Variants in SMOC1 observed in about 807,000 individuals in gnomAD.
SMOC1 encodes SPARC-related modular calcium-binding protein 1.
In SMOC1, 22 loss-of-function variants were observed where a neutral mutation model predicts 56.3. That is an observed-to-expected ratio of 0.39 (90% CI 0.28 to 0.56). SMOC1 has a LOEUF of 0.56. Ranked by LOEUF, SMOC1 falls within the 20% of genes least tolerant of loss-of-function variation. The pLI, the probability that SMOC1 is intolerant of heterozygous loss-of-function variation, is 0.61. For missense variants in SMOC1, 509 were observed against 565.4 expected, an observed-to-expected ratio of 0.90 and a Z score of 1.01; for synonymous variants, 193 against 215.0, an observed-to-expected ratio of 0.90 and a Z score of 0.89.
chr14:69,928,646 A>ACTTTATT (rs1390777118), intron 1 of SMOC1, among the ~76,000 whole-genome samples: 1 of 151,586 alleles, frequency 6.6e-6, no homozygotes, highest in Admixed American at 6.6e-5. Context: ...GCTTCCCAGG[A>ACTTTATT]CTTTATTTCA....
intron 5 of SMOC1, among the ~76,000 whole-genome samples, chr14:69,984,696 A>G (rs1209746255): frequency 6.6e-6 from 1 of 151,488 alleles, no homozygotes; most frequent in African/African-American, 2.4e-5. Context: ...AAAAAAAAAA[A>G]ATACAAAAAT....
intron 7 of SMOC1, among the ~76,000 whole-genome samples, chr14:70,001,086 G>C (rs761644637): frequency 2.6e-5 from 4 of 152,146 alleles, no homozygotes; most frequent in Non-Finnish European, 5.9e-5. Context: ...GCCCCTTCCT[G>C]GTGCTCTGTT....
intron 1 of SMOC1, among the ~76,000 whole-genome samples, chr14:69,888,478 G>A (rs1022638149): frequency 7.2e-5 from 11 of 152,150 alleles, no homozygotes; most frequent in South Asian, 4.1e-4. Flanking sequence ...AGACAGGAAA[G>A]GTAGCTCTCA....
At chr14:69,962,151 A>G (rs1350895579) in intron 3 of SMOC1, among the ~76,000 whole-genome samples, 1 of 151,486 alleles carries the variant, frequency 6.6e-6, no homozygotes, top group Non-Finnish European at 1.5e-5. Flanking sequence ...TTCTAGATAC[A>G]AGACTCTCTC....
intron 4 of SMOC1, among the ~76,000 whole-genome samples, chr14:69,976,654 ACT>A (rs1883968919): frequency 6.6e-6 from 1 of 152,068 alleles, no homozygotes; most frequent in African/African-American, 2.4e-5. Flanking sequence ...ATGGTAAAAG[ACT>A]CTGAGTCGCT....
intron 5 of SMOC1, among the ~76,000 whole-genome samples, chr14:69,991,407 C>T (rs1203044496): frequency 6.6e-6 from 1 of 152,116 alleles, no homozygotes; most frequent in East Asian, 1.9e-4. Context: ...TATACTGTTT[C>T]TTTGCATTAT....
chr14:70,027,776 G>A (rs556900840), intron 11 of SMOC1, among the ~76,000 whole-genome samples: 28 of 152,326 alleles, frequency 1.8e-4, no homozygotes, highest in African/African-American at 6.5e-4. Context: ...GATAATGTGT[G>A]TGAAGAACTT....
intron 1 of SMOC1, among the ~76,000 whole-genome samples, chr14:69,916,306 TTGCCACCTC>T (rs1325171546): frequency 6.6e-6 from 1 of 152,266 alleles, no homozygotes; most frequent in Admixed American, 6.5e-5. Flanking sequence ...TACCCGCTTC[TTGCCACCTC>T]TGCTGCTATA....
At chr14:69,949,786 G>A (rs1168025771) in intron 1 of SMOC1, among the ~76,000 whole-genome samples, 1 of 152,186 alleles carries the variant, frequency 6.6e-6, no homozygotes, top group Admixed American at 6.5e-5. Flanking sequence ...AAGGGCCAGA[G>A]AGGGGCCCCC....
chr14:69,987,333 A>G (rs1884401252), intron 5 of SMOC1, among the ~76,000 whole-genome samples: 1 of 152,226 alleles, frequency 6.6e-6, no homozygotes, highest in Non-Finnish European at 1.5e-5. Context: ...CAGACCTTCC[A>G]CATCTCAGAA....
chr14:70,027,981 G>A (rs959693998), intron 11 of SMOC1, among the ~76,000 whole-genome samples: 2 of 152,322 alleles, frequency 1.3e-5, no homozygotes, highest in East Asian at 1.9e-4. Context: ...CATCCATCCC[G>A]TGTCGTGCGG....
chr14:69,907,112 G>A (rs1179927400), intron 1 of SMOC1, among the ~76,000 whole-genome samples: 3 of 151,778 alleles, frequency 2.0e-5, no homozygotes, highest in African/African-American at 7.3e-5. Context: ...GGTTTAATGG[G>A]TGGTGGAGGA....
chr14:69,922,363 AT>A (rs1884869791), intron 1 of SMOC1, among the ~76,000 whole-genome samples: 1 of 152,200 alleles, frequency 6.6e-6, no homozygotes, highest in South Asian at 2.1e-4. Flanking sequence ...GGTCTTGTGC[AT>A]TATTAAATGC....
intron 1 of SMOC1, among the ~76,000 whole-genome samples, chr14:69,893,936 G>A (rs554047038): frequency 6.8e-4 from 103 of 152,302 alleles, no homozygotes; most frequent in African/African-American, 2.4e-3. Flanking sequence ...AGAAAAACTA[G>A]GGACATGATT....
At chr14:69,953,990 A>G (rs1475766165) in intron 3 of SMOC1, among the ~76,000 whole-genome samples, 1 of 138,658 alleles carries the variant, frequency 7.2e-6, no homozygotes, top group African/African-American at 2.9e-5. Flanking sequence ...CACAAAGTGT[A>G]CTATGGTTCT....
intron 1 of SMOC1, among the ~76,000 whole-genome samples, chr14:69,919,859 A>C (rs535972646): frequency 1.8e-4 from 27 of 152,170 alleles, no homozygotes; most frequent in Admixed American, 1.8e-3. Flanking sequence ...AAGATTATCC[A>C]ATATGAAATT....
intron 3 of SMOC1, 80 bp from the exon 4 acceptor site, chr14:69,975,635 G>A: frequency 9.9e-7 from 1 of 1,007,234 alleles, no homozygotes; most frequent in Non-Finnish European, 1.6e-6. Context: ...TATGGGTGAT[G>A]CTTTGAAAGG....
intron 11 of SMOC1, among the ~76,000 whole-genome samples, chr14:70,024,165 C>T (rs1041883667): frequency 6.6e-6 from 1 of 152,118 alleles, no homozygotes; most frequent in Non-Finnish European, 1.5e-5. Context: ...GGAACTCAGT[C>T]ACTAGGGGAA....
chr14:69,901,377 G>A (rs1014352570), intron 1 of SMOC1, among the ~76,000 whole-genome samples: 7 of 152,152 alleles, frequency 4.6e-5, no homozygotes, highest in African/African-American at 1.7e-4. Flanking sequence ...CCTAATTTCT[G>A]CAGTTTAAAC....
Sources: allele counts gnomAD v4.1 joint callset (sites outside exome capture counted in the v4.1 genomes callset), GRCh38; gene constraint gnomAD v4.1.1; transcripts MANE v1.5; gene names NCBI Gene and HGNC (gene_info 2026-07-23, HGNC 2026-07-21).